The following TTC28 variants were observed in gnomAD, a reference collection of about 807,000 sequenced individuals.
TTC28 encodes tetratricopeptide repeat domain 28, also known as tetratricopeptide repeat protein 28.
TTC28 carries 61 observed loss-of-function variants against 198.0 expected under a neutral mutation model. That is an observed-to-expected ratio of 0.31 (90% CI 0.25 to 0.38). The LOEUF (loss-of-function observed/expected upper bound fraction) is 0.38, where lower values mean the gene tolerates loss of function less well. Among genes scored for constraint, TTC28 ranks in the 10% least tolerant of loss-of-function variants. The pLI is 1.00. For synonymous variants in TTC28, 1,171 were observed against 1,297.8 expected, an observed-to-expected ratio of 0.90 and a Z score of 2.10; for missense variants, 2,678 against 3,164.0, an observed-to-expected ratio of 0.85 and a Z score of 3.69.
chr22:28,027,182 C>T (rs936033975), intron 13 of TTC28, among the ~76,000 whole-genome samples: 1 of 152,202 alleles, frequency 6.6e-6, no homozygotes, highest in Non-Finnish European at 1.5e-5. Context: ...GACACACACA[C>T]AGACACTTAC....
At chr22:28,303,529 C>G (rs2145800109) in intron 3 of TTC28, among the ~76,000 whole-genome samples, 1 of 151,838 alleles carries the variant, frequency 6.6e-6, no homozygotes, top group East Asian at 1.9e-4. Flanking sequence ...GAAATACAGC[C>G]AACAATAATA....
intron 2 of TTC28, among the ~76,000 whole-genome samples, chr22:28,374,718 G>A (rs951177975): frequency 3.3e-5 from 5 of 152,176 alleles, no homozygotes; most frequent in South Asian, 2.1e-4. Context: ...GTCTCGCTCT[G>A]TCACCCAGGC....
chr22:28,438,981 A>T (rs941392329), intron 2 of TTC28, among the ~76,000 whole-genome samples: 1 of 152,104 alleles, frequency 6.6e-6, no homozygotes, highest in African/African-American at 2.4e-5. Flanking sequence ...ATTAGAAATG[A>T]GTGACAAAAT....
intron 5 of TTC28, among the ~76,000 whole-genome samples, chr22:28,227,855 T>G (rs900148202): frequency 1.3e-5 from 2 of 152,124 alleles, no homozygotes; most frequent in African/African-American, 4.8e-5. Context: ...ATTCAGCAAT[T>G]CTACTCCTGG....
chr22:28,514,059 A>G (rs1034588918), intron 2 of TTC28, among the ~76,000 whole-genome samples: 4 of 152,164 alleles, frequency 2.6e-5, no homozygotes, highest in African/African-American at 4.8e-5. Flanking sequence ...TAGTAAGGAC[A>G]CTGATTTGCT....
intron 2 of TTC28, among the ~76,000 whole-genome samples, chr22:28,368,477 A>T (rs917347695): frequency 1.3e-5 from 2 of 152,160 alleles, no homozygotes; most frequent in African/African-American, 4.8e-5. Context: ...TTCCTCTAAG[A>T]TGTAGAACAT....
intron 2 of TTC28, among the ~76,000 whole-genome samples, chr22:28,406,207 C>T (rs1309953635): frequency 1.3e-5 from 2 of 152,200 alleles, no homozygotes; most frequent in East Asian, 1.9e-4. Flanking sequence ...TCTTAAATTA[C>T]AATGAATTAG....
At chr22:28,590,709 G>C (rs934790519) in intron 2 of TTC28, among the ~76,000 whole-genome samples, 2 of 151,688 alleles carry the variant, frequency 1.3e-5, no homozygotes, top group Non-Finnish European at 2.9e-5. Flanking sequence ...TAGTATGATC[G>C]ATGAACTTTT....
chr22:28,115,657 G>A lies in TTC28; in HGVS notation c.1442-7254C>T, dbSNP rs1177178778. Among the ~76,000 whole-genome samples the A allele has an allele frequency of 2.0e-5, 3 of 152,242 alleles. No homozygotes were observed. In the East Asian group the frequency reaches 5.8e-4, roughly 29 times the overall value. The stretch of plus-strand genomic sequence containing the variant: ...ACCTCTGGAGAACTCTTGCGCCATC[G>A]CACGTCTGTTCTGCCATCCTTTAAC... On this transcript the variant is annotated intron_variant, in intron 6 of 22. Transcript: ENST00000397906.
At chr22:28,656,881 A>G (rs547092823) in intron 1 of TTC28, among the ~76,000 whole-genome samples, 119 of 152,278 alleles carry the variant, frequency 7.8e-4, no homozygotes, top group African/African-American at 2.6e-3. Context: ...CGTTGTGCAC[A>G]TGTACCCTAG....
chr22:28,083,872 C>G (rs573484518), intron 12 of TTC28, among the ~76,000 whole-genome samples: 1 of 152,240 alleles, frequency 6.6e-6, no homozygotes, highest in Non-Finnish European at 1.5e-5. Flanking sequence ...ATATCCCGCA[C>G]CTGGCTCAGA....
At chr22:28,452,639 G>A (rs1030550565) in intron 2 of TTC28, among the ~76,000 whole-genome samples, 2 of 152,052 alleles carry the variant, frequency 1.3e-5, no homozygotes, top group African/African-American at 4.8e-5. Context: ...TATGGACATG[G>A]CATGAGAGAA....
At position 27,980,057 on chromosome 22, in the gene TTC28, C is replaced by A. The variant is rs1359278069; in HGVS notation, c.*2164G>T. 1 of 152,262 alleles carries A rather than the reference C, an allele frequency of 6.6e-6. No individual in the cohort carries two copies. Among genetic ancestry groups the A allele is most frequent in the Non-Finnish European group, 1.5e-5 (1 of 68,088 alleles). 9.4% of individuals were successfully genotyped at this position (152,262 alleles called of 1,614,324 possible). A position where few individuals can be genotyped will look rare whatever the true frequency, so the allele number is the denominator to read the frequency against. On this transcript the variant is annotated 3_prime_UTR_variant, in exon 23 of 23. Transcript: ENST00000397906. ...TGCTAGAGAGGGGCAAATAGGGCCG[C>A]AGCCTTCCCCTCACAGAAAGAGAGC...
chr22:28,263,760 T>C (rs1374692447), intron 5 of TTC28, among the ~76,000 whole-genome samples: 3 of 152,074 alleles, frequency 2.0e-5, no homozygotes, highest in African/African-American at 7.2e-5. Context: ...ATAAGCTTGA[T>C]CTAAGTTTTG....
intron 2 of TTC28, among the ~76,000 whole-genome samples, chr22:28,359,950 C>T (rs1285397968): frequency 6.6e-6 from 1 of 152,044 alleles, no homozygotes; most frequent in African/African-American, 2.4e-5. Context: ...CTACTTTAAA[C>T]CTTCCCTACC....
At chr22:28,359,032 A>G (rs1330111173) in intron 2 of TTC28, among the ~76,000 whole-genome samples, 1 of 152,180 alleles carries the variant, frequency 6.6e-6, no homozygotes, top group Non-Finnish European at 1.5e-5. Flanking sequence ...AACAAAATCA[A>G]TTCCTAAGAT....
intron 13 of TTC28, among the ~76,000 whole-genome samples, chr22:28,022,130 GA>G (rs1938632761): frequency 6.6e-6 from 1 of 152,230 alleles, no homozygotes; most frequent in Admixed American, 6.5e-5. Context: ...GCCTGAGGGG[GA>G]GCCCTCTGCT....
rs774816753 is a variant in TTC28 at position 28,478,402 on chromosome 22, G to A, written c.381+151150C>T. ...CATGTGCCTGTAATACCAGCTACTC[G>A]GGAGGCTGAGGAAGGAGAATCACTT... On this transcript the variant is annotated intron_variant, in intron 2 of 22. Transcript: ENST00000397906. Among the ~76,000 whole-genome samples, 9 of 152,014 alleles carry A rather than the reference G, an allele frequency of 5.9e-5. No individual in the cohort carries two copies. The South Asian group carries it at 6.2e-4, about 11-fold the overall frequency.
At chr22:28,149,055 C>A (rs977958142) in intron 6 of TTC28, among the ~76,000 whole-genome samples, 3 of 152,156 alleles carry the variant, frequency 2.0e-5, no homozygotes, top group African/African-American at 7.2e-5. Flanking sequence ...CGTCATTGTA[C>A]GAACATCATC....
Sources: allele counts gnomAD v4.1 joint callset (sites outside exome capture counted in the v4.1 genomes callset), GRCh38; gene constraint gnomAD v4.1.1; transcripts MANE v1.5; gene names NCBI Gene and HGNC (gene_info 2026-07-23, HGNC 2026-07-21).